Variants in PPP2R2B observed in about 807,000 individuals in gnomAD.
PPP2R2B encodes serine/threonine-protein phosphatase 2A 55 kDa regulatory subunit B beta isoform.
PPP2R2B carries 5 observed loss-of-function variants against 46.0 expected under a neutral mutation model. That is an observed-to-expected ratio of 0.11 (90% CI 0.06 to 0.23). The LOEUF (loss-of-function observed/expected upper bound fraction) is 0.23. Among genes scored for constraint, PPP2R2B ranks in the 10% least tolerant of loss-of-function variants. The pLI, the probability that PPP2R2B is intolerant of heterozygous loss-of-function variation, is 1.00. For synonymous variants in PPP2R2B, 215 were observed against 206.7 expected (o/e 1.04, Z -0.34); for missense variants, 367 against 575.0 (o/e 0.64, Z 3.70).
chr5:146,976,120 A>ATTG lies in PPP2R2B; in HGVS notation c.79+79544_79+79545insCAA, dbSNP rs1561551207. 5.8e-5 allele frequency among the ~76,000 whole-genome samples: 6 copies of ATTG among 103,552 alleles called. No homozygotes were observed. The South Asian group carries it at 1.6e-3, about 28-fold the overall frequency. 67.9% of individuals were successfully genotyped at this position (103,552 alleles called of 152,430 possible). On this transcript the variant is annotated intron_variant, in intron 1 of 8. Transcript: ENST00000336640. ...ATTTTTTAAAAAATTTATTATTATTATTATTATTATTATTATTATTATTAT... is the reference window on the plus strand; with the variant it reads ...ATTTTTTAAAAAATTTATTATTATTATTGTTATTATTATTATTATTATTATTAT...
chr5:146,727,882 G>A (rs1232076066), intron 2 of PPP2R2B, among the ~76,000 whole-genome samples: 3 of 151,282 alleles, frequency 2.0e-5, no homozygotes, highest in East Asian at 1.9e-4. Flanking sequence ...CCCCAACTCC[G>A]AAAACCAGCC....
chr5:146,600,998 G>A (rs1771727958), intron 7 of PPP2R2B, among the ~76,000 whole-genome samples: 1 of 151,976 alleles, frequency 6.6e-6, no homozygotes, highest in Non-Finnish European at 1.5e-5. Context: ...TCTACTTTCT[G>A]ATTCTCATTC....
At chr5:146,650,403 C>T in intron 6 of PPP2R2B, 144 bp downstream of exon 6, 2 of 690,112 alleles carry the variant, frequency 2.9e-6, no homozygotes, top group South Asian at 2.2e-5. Context: ...TAAAGAGTCT[C>T]ATAGGTGCCA....
chr5:146,845,304 TC>T (rs1268677406), intron 2 of PPP2R2B, among the ~76,000 whole-genome samples: 1 of 296 alleles, frequency 3.4e-3, no homozygotes, highest in Non-Finnish European at 5.7e-3. Flanking sequence ...CTTTTCCTTT[TC>T]TTTTTTTTGT....
intron 1 of PPP2R2B, among the ~76,000 whole-genome samples, chr5:147,053,629 C>A (rs1240318492): frequency 6.6e-6 from 1 of 151,666 alleles, no homozygotes; most frequent in African/African-American, 2.4e-5. Flanking sequence ...TAAGTGTAAC[C>A]AGTTTCTGGT....
At chr5:146,769,671 T>A (rs920951329) in intron 2 of PPP2R2B, among the ~76,000 whole-genome samples, 1 of 152,214 alleles carries the variant, frequency 6.6e-6, no homozygotes, top group Non-Finnish European at 1.5e-5. Flanking sequence ...GTGAACCACC[T>A]TACCAATATT....
At chr5:146,598,840 C>T (rs1213303633) in intron 8 of PPP2R2B, among the ~76,000 whole-genome samples, 1 of 152,174 alleles carries the variant, frequency 6.6e-6, no homozygotes, top group Non-Finnish European at 1.5e-5. Context: ...GTCCCTCCCA[C>T]AGTTTCTCCT....
At chr5:146,728,138 C>CTTTTTT (rs757396751) in intron 2 of PPP2R2B, among the ~76,000 whole-genome samples, 100 of 82,470 alleles carry the variant, frequency 1.2e-3, no homozygotes, top group Non-Finnish European at 1.3e-3. Flanking sequence ...GAAACACTTA[C>CTTTTTT]TTTTTTTTTT....
At chr5:147,063,001 G>GGGAGAAAGGGA (rs1757308927) in intron 2 of PPP2R2B, among the ~76,000 whole-genome samples, 1 of 99,250 alleles carries the variant, frequency 1.0e-5, no homozygotes, top group Admixed American at 1.1e-4. Context: ...GGAGGGAGGG[G>GGGAGAAAGGGA]GGAAGAAGGG....
At chr5:147,069,088 A>G (rs1382218483) in intron 2 of PPP2R2B, among the ~76,000 whole-genome samples, 1 of 152,196 alleles carries the variant, frequency 6.6e-6, no homozygotes, top group Admixed American at 6.5e-5. Flanking sequence ...GGTCAGGTCT[A>G]AAGGCTGCCA....
At chr5:147,074,874 C>A (rs914183560) in intron 2 of PPP2R2B, among the ~76,000 whole-genome samples, 1 of 152,020 alleles carries the variant, frequency 6.6e-6, no homozygotes, top group Non-Finnish European at 1.5e-5. Flanking sequence ...GTGATCTTTT[C>A]AGAGGGAGGG....
At chr5:147,001,766 C>A (rs553400896) in intron 1 of PPP2R2B, among the ~76,000 whole-genome samples, 1 of 152,296 alleles carries the variant, frequency 6.6e-6, no homozygotes, top group East Asian at 1.9e-4. Context: ...TTAAAAGCAA[C>A]TAGTGTGGCT....
At chr5:146,741,035 C>CAAA (rs34289574) in intron 2 of PPP2R2B, among the ~76,000 whole-genome samples, 5 of 142,558 alleles carry the variant, frequency 3.5e-5, no homozygotes, top group Middle Eastern at 3.7e-3. Context: ...GACTCCGTCT[C>CAAA]AAAAAAAAAA....
At chr5:146,916,599 C>G (rs1456666505) in intron 1 of PPP2R2B, among the ~76,000 whole-genome samples, 1 of 152,094 alleles carries the variant, frequency 6.6e-6, no homozygotes, top group Non-Finnish European at 1.5e-5. Flanking sequence ...AAACCCGTAT[C>G]CCACAACTAA....
At chr5:146,689,406 G>A (rs1211100657) in intron 5 of PPP2R2B, among the ~76,000 whole-genome samples, 1 of 152,154 alleles carries the variant, frequency 6.6e-6, no homozygotes, top group Non-Finnish European at 1.5e-5. Flanking sequence ...GCTTAGATAT[G>A]TTTATATACA....
chr5:146,622,087 G>A (rs748818233), intron 7 of PPP2R2B, among the ~76,000 whole-genome samples: 15 of 152,142 alleles, frequency 9.9e-5, no homozygotes, highest in Non-Finnish European at 2.2e-4. Context: ...CTCTCCTACA[G>A]GCCTGGGGAG....
chr5:146,732,603 C>T (rs1250101056), intron 2 of PPP2R2B, among the ~76,000 whole-genome samples: 1 of 152,132 alleles, frequency 6.6e-6, no homozygotes, highest in Admixed American at 6.5e-5. Context: ...ATTTTTACCA[C>T]AAACAATAAC....
At chr5:146,856,555 A>G in intron 2 of PPP2R2B, 2 of 1,612,930 alleles carry the variant, frequency 1.2e-6, no homozygotes, top group Non-Finnish European at 1.7e-6. Context: ...TTGGGCCACT[A>G]TTCTCTGTCT....
chr5:146,966,627 C>T (rs925118041), intron 1 of PPP2R2B, among the ~76,000 whole-genome samples: 2 of 152,252 alleles, frequency 1.3e-5, no homozygotes, highest in African/African-American at 2.4e-5. Context: ...TCTCTTGCCC[C>T]TAACTAGAAC....
Sources: allele counts gnomAD v4.1 joint callset (sites outside exome capture counted in the v4.1 genomes callset), GRCh38; gene constraint gnomAD v4.1.1; transcripts MANE v1.5; gene names NCBI Gene and HGNC (gene_info 2026-07-23, HGNC 2026-07-21).